The following NALF2 variants were observed in gnomAD, a reference collection of about 807,000 sequenced individuals.
NALF2 encodes NALCN channel auxiliary factor 2, also known as bB57D9.1 (TED protein).
NALF2 carries 1 observed loss-of-function variant against 24.8 expected under a neutral mutation model. That is an observed-to-expected ratio of 0.04 (90% CI 0.01 to 0.19). The LOEUF (loss-of-function observed/expected upper bound fraction) is 0.19. Among genes scored for constraint, NALF2 ranks in the 10% least tolerant of loss-of-function variants. The pLI is 1.00. For missense variants in NALF2, 458 were observed against 409.6 expected (o/e 1.12, Z -1.02); for synonymous variants, 254 against 189.8 (o/e 1.34, Z -2.78).
At chrX:69,526,313 G>A (rs938881778) in intron 1 of NALF2, among the ~76,000 whole-genome samples, 3 of 111,593 alleles carry the variant, frequency 2.7e-5, no homozygotes, top group Non-Finnish European at 3.8e-5. Flanking sequence ...AAGCTCAACT[G>A]TTCTCCCACC....
chrX:69,507,263 C>T (rs922582498), intron 1 of NALF2, among the ~76,000 whole-genome samples: 5 of 111,884 alleles, frequency 4.5e-5, no homozygotes, highest in African/African-American at 9.8e-5. Context: ...ATTTTCCATC[C>T]AGCATGGCCC....
intron 1 of NALF2, among the ~76,000 whole-genome samples, chrX:69,519,163 T>C (rs1930701380): frequency 8.9e-6 from 1 of 112,469 alleles, no homozygotes; most frequent in Admixed American, 9.5e-5. Context: ...AGTTTTCTCA[T>C]TTTTTGCTGA....
intron 1 of NALF2, among the ~76,000 whole-genome samples, chrX:69,510,486 C>T (rs752519669): frequency 8.9e-6 from 1 of 112,639 alleles, no homozygotes; most frequent in South Asian, 3.7e-4. Flanking sequence ...GCTCAGGGCA[C>T]TGGGTAAAGG....
chrX:69,513,267 A>G (rs1930611006), intron 1 of NALF2, among the ~76,000 whole-genome samples: 2 of 112,321 alleles, frequency 1.8e-5, no homozygotes. Flanking sequence ...CAGTTTCTCC[A>G]TATCCTTGCA....
chrX:69,529,857 C>T lies in NALF2; in HGVS notation c.1320C>T (p.Leu440=), dbSNP rs772354221. ...RIRLCVLVLM[L]LHTVVSFSSN... Reference sequence around the variant, plus strand: ...GGCTCTGCGTCCTTGTTCTCATGCTCCTCCATACCGTGGTGTCCTTCTCCA... The same window carrying T: ...GGCTCTGCGTCCTTGTTCTCATGCTTCTCCATACCGTGGTGTCCTTCTCCA... Residue 440 remains leucine (L), a synonymous_variant, in exon 3 of 3, where the codon CTC becomes CTT. Transcript: ENST00000252338. 3 of 1,211,485 alleles carry T rather than the reference C, an allele frequency of 2.5e-6. No individual in the cohort carries two copies. Among genetic ancestry groups the T allele is most frequent in the Non-Finnish European group, 3.4e-6 (3 of 895,240 alleles).
At chrX:69,509,797 C>T (rs1184214792) in intron 1 of NALF2, among the ~76,000 whole-genome samples, 2 of 112,145 alleles carry the variant, frequency 1.8e-5, no homozygotes, top group African/African-American at 6.5e-5. Flanking sequence ...AAAAGCATGA[C>T]CTGCGTGGCC....
intron 1 of NALF2, among the ~76,000 whole-genome samples, chrX:69,528,022 A>G (rs1247137948): frequency 3.0e-4 from 32 of 107,772 alleles, no homozygotes; most frequent in Non-Finnish European, 5.8e-4. Context: ...TTTTCACAAG[A>G]GGTGAGGGGA....
chrX:69,511,578 G>A (rs1930585017), intron 1 of NALF2, among the ~76,000 whole-genome samples: 1 of 111,749 alleles, frequency 8.9e-6, no homozygotes, highest in African/African-American at 3.2e-5. Context: ...CCCGCAGGCT[G>A]GTGCCTGACT....
intron 1 of NALF2, among the ~76,000 whole-genome samples, chrX:69,512,532 C>T (rs898924410): frequency 6.3e-5 from 7 of 111,510 alleles, no homozygotes; most frequent in Non-Finnish European, 1.3e-4. Flanking sequence ...GCTGCAAAGA[C>T]GAAAGGGCTA....
At chrX:69,512,692 G>C (rs964671089) in intron 1 of NALF2, among the ~76,000 whole-genome samples, 1 of 111,988 alleles carries the variant, frequency 8.9e-6, no homozygotes, top group African/African-American at 3.3e-5. Context: ...TGAGACAACT[G>C]AGGCTCAGTG....
chrX:69,516,460 G>A (rs769428071), intron 1 of NALF2, among the ~76,000 whole-genome samples: 1 of 112,025 alleles, frequency 8.9e-6, no homozygotes, highest in South Asian at 3.8e-4. Context: ...GGGGCTTCTC[G>A]ATGAAGAGAA....
Position 69,505,358 on chromosome X carries a change from G to C in NALF2, c.76G>C (p.Ala26Pro), listed in dbSNP as rs752308438. The C allele has an allele frequency of 6.1e-5, 70 of 1,154,857 alleles. No homozygotes were observed. The South Asian group carries it at 1.1e-3, about 18-fold the overall frequency. Residue 26 changes from alanine (A) to proline (P), a missense_variant, in exon 1 of 3, where the codon GCT becomes CCT. By Grantham distance (27) the Ala-to-Pro change is conservative. Transcript: ENST00000252338. Reference sequence around the variant, plus strand: ...TATCTGCTGCTGCTGCTGCTGCTGGGCTCCCAGGCCGAGCGACAAACCTTG... The same window carrying C: ...TATCTGCTGCTGCTGCTGCTGCTGGCCTCCCAGGCCGAGCGACAAACCTTG... ...LTICCCCCCW[A>P]PRPSDKPCAD...
In NALF2 at chrX:69,505,401, C is replaced by T. The variant is rs1252314486; in HGVS notation, c.119C>T (p.Ala40Val). ...SDKPCADSERAQRWRLSLASL... is the reference protein window; with the variant it reads ...SDKPCADSERVQRWRLSLASL... ...AAACCTTGCGCCGACTCCGAGCGGG[C>T]GCAGCGATGGCGACTGTCCCTGGCG... Residue 40 changes from alanine (A) to valine (V), a missense_variant, in exon 1 of 3, where the codon GCG (alanine) becomes GTG (valine). By Grantham distance (64) the Ala-to-Val change is moderately conservative (BLOSUM62 0). Coordinates refer to ENST00000252338, the MANE Select transcript of NALF2 (RefSeq NM_015686.3). 7 of 1,155,948 alleles carry T rather than the reference C, an allele frequency of 6.1e-6. No individual in the cohort carries two copies. The Admixed American group carries it at 1.6e-4, about 26-fold the overall frequency.
At chrX:69,526,074 A>G (rs1930803462) in intron 1 of NALF2, among the ~76,000 whole-genome samples, 1 of 112,260 alleles carries the variant, frequency 8.9e-6, no homozygotes. Context: ...TGTGTGTATA[A>G]AGACAGTCAC....
At chrX:69,510,096 A>G (rs1449477474) in intron 1 of NALF2, among the ~76,000 whole-genome samples, 2 of 112,612 alleles carry the variant, frequency 1.8e-5, no homozygotes. Flanking sequence ...GGCCCGATAC[A>G]GGTGGACCCT....
rs756639544 is a variant in NALF2 at position 69,529,645 on chromosome X, A to G, written c.1108A>G (p.Lys370Glu). Residue 370 changes from lysine to glutamate, a missense_variant, in exon 3 of 3, where the codon AAG becomes GAG. Lys to Glu is a moderately conservative substitution (Grantham distance 56). Coordinates refer to ENST00000252338, the MANE Select transcript of NALF2 (RefSeq NM_015686.3). ...DVQWVSCEAKKKKFKESEAPK... is the reference protein window; with the variant it reads ...DVQWVSCEAKEKKFKESEAPK... ...GCAGTGGGTCTCCTGTGAGGCGAAG[A>G]AGAAGAAGTTCAAGGAGTCTGAGGC... is the stretch of plus-strand genomic sequence containing the variant. The G allele has an allele frequency of 8.3e-7, 1 of 1,211,090 alleles. No homozygotes were observed. Among genetic ancestry groups the G allele is most frequent in the Non-Finnish European group, 1.1e-6 (1 of 895,246 alleles).
At chrX:69,511,932 A>G (rs1386128602) in intron 1 of NALF2, among the ~76,000 whole-genome samples, 4 of 112,042 alleles carry the variant, frequency 3.6e-5, no homozygotes, top group East Asian at 2.8e-4. Context: ...ACATAGGCTG[A>G]ACCTCAGACT....
chrX:69,504,721 G>C lies in NALF2; in HGVS notation c.-562G>C, dbSNP rs1237927404. Among the ~76,000 whole-genome samples, 1 of 111,337 alleles carries C rather than the reference G, an allele frequency of 9.0e-6. No homozygotes were observed. Among genetic ancestry groups the C allele is most frequent in the Non-Finnish European group, 1.9e-5 (1 of 52,603 alleles). On this transcript the variant is annotated 5_prime_UTR_variant, in exon 1 of 3. Transcript: ENST00000252338. Reference sequence around the variant, plus strand: ...AACGGACCGGCCGGCCGGCCTAGGAGGGCGCGAGCGAGGCAGGGAGCGGCG... The same window carrying C: ...AACGGACCGGCCGGCCGGCCTAGGACGGCGCGAGCGAGGCAGGGAGCGGCG...
chrX:69,519,717 C>T (rs1296685979), intron 1 of NALF2, among the ~76,000 whole-genome samples: 1 of 112,302 alleles, frequency 8.9e-6, no homozygotes, highest in Non-Finnish European at 1.9e-5. Context: ...TGTGAACAAC[C>T]AGGCTAACAG....
Sources: gnomAD v4.1 joint callset for allele counts (sites outside exome capture counted in the v4.1 genomes callset) on GRCh38, gnomAD v4.1.1 for gene constraint, MANE v1.5 for transcripts, NCBI Gene and HGNC (gene_info 2026-07-23, HGNC 2026-07-21) for gene names.